Variants in CHRM3 observed in about 807,000 individuals in gnomAD.
CHRM3 encodes the protein cholinergic receptor muscarinic 3.
A neutral mutation model predicts 41.8 loss-of-function variants in CHRM3; 11 were observed. The observed-to-expected ratio is 0.26, with a 90% confidence interval of 0.17 to 0.44. The LOEUF (loss-of-function observed/expected upper bound fraction) is 0.44, where lower values mean the gene tolerates loss of function less well. Ranked by LOEUF, CHRM3 falls within the 20% of genes least tolerant of loss-of-function variation. The probability of loss-of-function intolerance (pLI) is 1.00; values close to 1 mark genes in which losing one functional copy is unlikely to be tolerated. For missense variants in CHRM3, 571 were observed against 745.4 expected (o/e 0.77, Z 2.72); for synonymous variants, 297 against 301.4 (o/e 0.99, Z 0.15).
chr1:239,429,789 T>G (rs1662679071), intron 1 of CHRM3, among the ~76,000 whole-genome samples: 1 of 151,888 alleles, frequency 6.6e-6, no homozygotes, highest in South Asian at 2.1e-4. Flanking sequence ...GGGAGTTTTT[T>G]TTTTTTTTTC....
intron 5 of CHRM3, among the ~76,000 whole-genome samples, chr1:239,747,063 C>G (rs549205510): frequency 2.0e-5 from 3 of 152,142 alleles, no homozygotes; most frequent in East Asian, 1.9e-4. Context: ...GCCTGTTACT[C>G]TATTTCAATC....
chr1:239,783,610 A>T (rs1478207679), intron 5 of CHRM3, among the ~76,000 whole-genome samples: 1 of 152,306 alleles, frequency 6.6e-6, no homozygotes, highest in Admixed American at 6.5e-5. Context: ...TCTGAAATGA[A>T]CAGCTGAGAA....
chr1:239,516,327 C>T (rs1340710402), intron 2 of CHRM3, among the ~76,000 whole-genome samples: 1 of 152,176 alleles, frequency 6.6e-6, no homozygotes, highest in Non-Finnish European at 1.5e-5. Flanking sequence ...TTTTAAAGCT[C>T]TGACCTTCCG....
chr1:239,588,480 G>A (rs931442574), intron 3 of CHRM3, among the ~76,000 whole-genome samples: 1 of 152,162 alleles, frequency 6.6e-6, no homozygotes, highest in South Asian at 2.1e-4. Context: ...GCTCTTCATA[G>A]AAAAGTTCAG....
intron 5 of CHRM3, among the ~76,000 whole-genome samples, chr1:239,799,156 A>T (rs1670013057): frequency 6.6e-6 from 1 of 152,196 alleles, no homozygotes; most frequent in South Asian, 2.1e-4. Flanking sequence ...AAATTGTTTC[A>T]AATATTGGAG....
chr1:239,712,945 CGACAAGTTAATCAGA>C, intron 5 of CHRM3, among the ~76,000 whole-genome samples: 1 of 152,208 alleles, frequency 6.6e-6, no homozygotes, highest in South Asian at 2.1e-4. Flanking sequence ...TATGATACAG[CGACAAGTTAATCAGA>C]GATGTGCTTG....
At chr1:239,667,378 G>A (rs1201209297) in intron 4 of CHRM3, among the ~76,000 whole-genome samples, 1 of 152,146 alleles carries the variant, frequency 6.6e-6, no homozygotes, top group Non-Finnish European at 1.5e-5. Flanking sequence ...CATATCCCAT[G>A]CAGACCTCAG....
chr1:239,672,131 G>A (rs996056909), intron 4 of CHRM3, among the ~76,000 whole-genome samples: 2 of 152,156 alleles, frequency 1.3e-5, no homozygotes, highest in Non-Finnish European at 2.9e-5. Flanking sequence ...TGGAAGTTCA[G>A]CCTGTCAGTC....
At chr1:239,806,674 C>T (rs1301266503) in intron 5 of CHRM3, among the ~76,000 whole-genome samples, 2 of 152,170 alleles carry the variant, frequency 1.3e-5, no homozygotes, top group East Asian at 1.9e-4. Flanking sequence ...CTTTGAGAAA[C>T]GCACATATTG....
intron 3 of CHRM3, among the ~76,000 whole-genome samples, chr1:239,598,069 G>A (rs898678683): frequency 2.0e-5 from 3 of 151,980 alleles, no homozygotes; most frequent in East Asian, 1.9e-4. Flanking sequence ...CACAGCCCAG[G>A]GCCAGGGGTC....
At chr1:239,699,578 G>C (rs1048827609) in intron 5 of CHRM3, among the ~76,000 whole-genome samples, 20 of 152,094 alleles carry the variant, frequency 1.3e-4, no homozygotes, top group African/African-American at 4.8e-4. Context: ...TAAGTCACCC[G>C]ATCTGTAGCT....
chr1:239,685,645 A>T (rs1659060639), intron 5 of CHRM3, among the ~76,000 whole-genome samples: 1 of 152,108 alleles, frequency 6.6e-6, no homozygotes, highest in South Asian at 2.1e-4. Flanking sequence ...CAACATAGTG[A>T]AACCCCATCT....
rs184056505 is a variant in CHRM3, at chr1:239,543,637, A to G, written c.-421-2004A>G. Among the ~76,000 whole-genome samples the G allele has an allele frequency of 3.9e-3, 585 of 151,590 alleles. 2 individuals carry two copies. Among genetic ancestry groups the G allele is most frequent in the African/African-American group, 0.013 (523 of 41,282 alleles). ...ATTCTCCTGCCTCAGCCTCCCAAGT[A>G]TCTGGGACTACAGGCGCCCACCACC... On this transcript the variant is annotated intron_variant, in intron 2 of 6. Transcript: ENST00000676153.
At chr1:239,400,261 A>C (rs1659853542) in intron 1 of CHRM3, among the ~76,000 whole-genome samples, 1 of 152,040 alleles carries the variant, frequency 6.6e-6, no homozygotes, top group African/African-American at 2.4e-5. Flanking sequence ...TATTTTGAGA[A>C]ATCTCTGTTC....
chr1:239,485,152 A>G (rs1667105387), intron 1 of CHRM3, among the ~76,000 whole-genome samples: 1 of 152,128 alleles, frequency 6.6e-6, no homozygotes, highest in Admixed American at 6.6e-5. Context: ...ATAAATTGCA[A>G]ATGACACTTG....
At chr1:239,881,316 C>A (rs941222404) in intron 6 of CHRM3, among the ~76,000 whole-genome samples, 2 of 138,582 alleles carry the variant, frequency 1.4e-5, no homozygotes, top group African/African-American at 5.4e-5. Context: ...AGAATACAAT[C>A]CCTGAACCAG....
intron 3 of CHRM3, among the ~76,000 whole-genome samples, chr1:239,605,760 G>T (rs564758923): frequency 6.6e-6 from 1 of 152,174 alleles, no homozygotes; most frequent in South Asian, 2.1e-4. Context: ...TAAGTTTATG[G>T]CATTTATAAG....
At chr1:239,440,918 G>A (rs79716877) in intron 1 of CHRM3, among the ~76,000 whole-genome samples, 3,293 of 152,230 alleles carry the variant, frequency 0.022, 135 homozygotes, top group African/African-American at 0.072. Flanking sequence ...TTCCTGGAAT[G>A]ACTGAATTGA....
intron 1 of CHRM3, among the ~76,000 whole-genome samples, chr1:239,484,401 C>T (rs75632970): frequency 0.016 from 2,386 of 152,270 alleles, 54 homozygotes; most frequent in Middle Eastern, 0.051. Context: ...CATGAGGGTA[C>T]TGCCCTCAGG....
Sources: gnomAD v4.1 joint callset for allele counts (sites outside exome capture counted in the v4.1 genomes callset) on GRCh38, gnomAD v4.1.1 for gene constraint, MANE v1.5 for transcripts, NCBI Gene and HGNC (gene_info 2026-07-23, HGNC 2026-07-21) for gene names.